The following SORCS3 variants were observed in gnomAD, a reference collection of about 807,000 sequenced individuals.
SORCS3 encodes sortilin related VPS10 domain containing receptor 3.
Under a neutral mutation model 146.3 loss-of-function variants are expected in SORCS3, and 57 were observed. The ratio of observed to expected loss-of-function variants is 0.39; its 90% CI spans 0.31 to 0.49. The LOEUF (loss-of-function observed/expected upper bound fraction) is 0.49. SORCS3 is among the 20% of genes least tolerant of loss of function. SORCS3 has a pLI of 0.92. For missense variants in SORCS3, 1,341 were observed against 1,575.5 expected, an observed-to-expected ratio of 0.85 and a Z score of 2.52; for synonymous variants, 653 against 618.5, an observed-to-expected ratio of 1.06 and a Z score of -0.83.
At chr10:105,249,975 G>A (rs1206601569) in intron 22 of SORCS3, among the ~76,000 whole-genome samples, 1 of 152,272 alleles carries the variant, frequency 6.6e-6, no homozygotes, top group Admixed American at 6.5e-5. Context: ...CTATAACAAG[G>A]TTCCATAAAC....
rs561763299 is a variant in SORCS3 at position 104,857,760 on chromosome 10, C to T, written c.695+14901C>T. On this transcript the variant is annotated intron_variant, in intron 2 of 26. Coordinates refer to ENST00000369701, the MANE Select transcript of SORCS3 (RefSeq NM_014978.3). Reference sequence around the variant, plus strand: ...GCTATGAGGTACCAGGCTTTACTGGCTTACTGTACCCAGAGAAAGTTCAGA... The same window carrying T: ...GCTATGAGGTACCAGGCTTTACTGGTTTACTGTACCCAGAGAAAGTTCAGA... Among the ~76,000 whole-genome samples, 153 of 152,266 alleles carry T rather than the reference C, an allele frequency of 1.0e-3. 1 individual carries two copies. The highest frequency in any genetic ancestry group is 3.3e-3 in the African/African-American group (139 of 41,544).
chr10:104,967,691 G>A (rs1043409832), intron 3 of SORCS3, among the ~76,000 whole-genome samples: 1 of 151,992 alleles, frequency 6.6e-6, no homozygotes, highest in Admixed American at 6.6e-5. Flanking sequence ...TTTTTGGTTG[G>A]GGGGATGGGG....
intron 6 of SORCS3, among the ~76,000 whole-genome samples, chr10:105,090,162 G>A (rs898566237): frequency 6.6e-6 from 1 of 152,164 alleles, no homozygotes; most frequent in Non-Finnish European, 1.5e-5. Context: ...ACATTCACAT[G>A]GCGAATTGCA....
At chr10:104,977,601 A>G in intron 4 of SORCS3, 108 bp downstream of exon 4, 1 of 1,032,076 alleles carries the variant, frequency 9.7e-7, no homozygotes, top group South Asian at 1.9e-5. Flanking sequence ...ACATTTCATC[A>G]TTCCAACCCA....
At chr10:105,236,199 G>A (rs2056792266) in intron 20 of SORCS3, among the ~76,000 whole-genome samples, 1 of 152,098 alleles carries the variant, frequency 6.6e-6, no homozygotes, top group South Asian at 2.1e-4. Context: ...CATTTGAGAA[G>A]TTAAGCTCCC....
At chr10:104,790,442 C>A (rs996108597) in intron 1 of SORCS3, among the ~76,000 whole-genome samples, 3 of 152,034 alleles carry the variant, frequency 2.0e-5, no homozygotes, top group Admixed American at 1.3e-4. Context: ...AGTTGGAGCT[C>A]CCAGGTGGAT....
intron 3 of SORCS3, among the ~76,000 whole-genome samples, chr10:104,950,916 A>G (rs1032601752): frequency 6.6e-6 from 1 of 152,208 alleles, no homozygotes; most frequent in Non-Finnish European, 1.5e-5. Context: ...CTAAATATAA[A>G]TTATTTCAGC....
intron 1 of SORCS3, among the ~76,000 whole-genome samples, chr10:104,833,709 C>G (rs1445344881): frequency 2.0e-5 from 3 of 152,180 alleles, no homozygotes; most frequent in African/African-American, 7.2e-5. Context: ...TCAATCCACA[C>G]TTGGTCTCTT....
At chr10:105,122,753 G>T (rs538811701) in intron 7 of SORCS3, among the ~76,000 whole-genome samples, 1 of 152,222 alleles carries the variant, frequency 6.6e-6, no homozygotes, top group Non-Finnish European at 1.5e-5. Context: ...CAGCGTGAGG[G>T]AGATCTACAA....
chr10:104,642,357 G>A (rs890113023), intron 1 of SORCS3, among the ~76,000 whole-genome samples: 3 of 151,878 alleles, frequency 2.0e-5, no homozygotes, highest in Non-Finnish European at 4.4e-5. Flanking sequence ...CGATTCCTGC[G>A]GCTGCCGGGC....
intron 3 of SORCS3, among the ~76,000 whole-genome samples, chr10:104,960,789 TA>T (rs2133634745): frequency 6.6e-6 from 1 of 152,256 alleles, no homozygotes; most frequent in South Asian, 2.1e-4. Context: ...TGAGGCTTCC[TA>T]TAGGAAGAAT....
intron 2 of SORCS3, among the ~76,000 whole-genome samples, chr10:104,893,690 C>T (rs1444807398): frequency 6.6e-6 from 1 of 152,190 alleles, no homozygotes; most frequent in Non-Finnish European, 1.5e-5. Context: ...TTCCAAATGC[C>T]CAAGATGCCT....
At chr10:104,789,196 C>T (rs764970530) in intron 1 of SORCS3, among the ~76,000 whole-genome samples, 2 of 152,206 alleles carry the variant, frequency 1.3e-5, no homozygotes, top group Non-Finnish European at 2.9e-5. Context: ...CAGTTCATAC[C>T]TTGTTCAAGG....
At chr10:105,181,151 A>C (rs2056440249) in intron 14 of SORCS3, among the ~76,000 whole-genome samples, 1 of 152,198 alleles carries the variant, frequency 6.6e-6, no homozygotes, top group African/African-American at 2.4e-5. Context: ...AGGATTTAAC[A>C]GTATATATGT....
At chr10:105,078,127 A>G (rs1185641331) in intron 5 of SORCS3, among the ~76,000 whole-genome samples, 3 of 152,226 alleles carry the variant, frequency 2.0e-5, no homozygotes, top group African/African-American at 4.8e-5. Context: ...ATAATAATAT[A>G]AAATGAAGAC....
chr10:104,748,061 AT>A (rs373604275), intron 1 of SORCS3, among the ~76,000 whole-genome samples: 302 of 152,378 alleles, frequency 2.0e-3, no homozygotes, highest in African/African-American at 6.9e-3. Flanking sequence ...AGTAAGCACA[AT>A]AACCAATATT....
At position 105,264,955 on chromosome 10, in the gene SORCS3, GAGAC is replaced by G. The variant is rs1362831641; in HGVS notation, c.*1585_*1588del. The G allele has an allele frequency of 6.6e-6, 1 of 152,596 alleles. No individual in the cohort carries two copies. Among genetic ancestry groups the G allele is most frequent in the East Asian group, 1.9e-4 (1 of 5,196 alleles). 9.5% of individuals were successfully genotyped at this position (152,596 alleles called of 1,614,324 possible). On this transcript the variant is annotated 3_prime_UTR_variant, in exon 27 of 27. Transcript: ENST00000369701. ...GGATGTTGTTCCCATTCTTCTTTGTGAGACAGAGAGAATGTGATATAGAGAAATC... is the reference window on the plus strand; with the variant it reads ...GGATGTTGTTCCCATTCTTCTTTGTGAGAGAGAATGTGATATAGAGAAATC...
intron 2 of SORCS3, among the ~76,000 whole-genome samples, chr10:104,846,606 C>T (rs958681211): frequency 2.0e-5 from 3 of 152,196 alleles, no homozygotes; most frequent in African/African-American, 7.2e-5. Context: ...TCTAAATAGA[C>T]AAAAGATTGT....
intron 3 of SORCS3, among the ~76,000 whole-genome samples, chr10:104,927,132 G>A (rs2019156844): frequency 6.6e-6 from 1 of 152,064 alleles, no homozygotes; most frequent in African/African-American, 2.4e-5. Flanking sequence ...TGTGCATCTA[G>A]GTGTGTATAA....
Sources: allele counts gnomAD v4.1 joint callset (sites outside exome capture counted in the v4.1 genomes callset), GRCh38; gene constraint gnomAD v4.1.1; transcripts MANE v1.5; gene names NCBI Gene and HGNC (gene_info 2026-07-23, HGNC 2026-07-21).